The following SV2C variants were observed in gnomAD, a reference collection of about 807,000 sequenced individuals.
SV2C encodes the protein synaptic vesicle glycoprotein 2C, also known as solute carrier family 22 member B3.
Under a neutral mutation model 79.7 loss-of-function variants are expected in SV2C, and 49 were observed. That is an observed-to-expected ratio of 0.61 (90% confidence interval 0.49 to 0.78). SV2C has a LOEUF of 0.78. Ranked by LOEUF, SV2C falls within the 30% of genes least tolerant of loss-of-function variation. The pLI is 0.00. For synonymous variants in SV2C, 334 were observed against 333.2 expected, an observed-to-expected ratio of 1.00 and a Z score of -0.03; for missense variants, 833 against 912.9, an observed-to-expected ratio of 0.91 and a Z score of 1.13.
At chr5:75,971,641 G>A in the SV2C span, among the ~76,000 whole-genome samples, 1 of 152,070 alleles carries the variant, frequency 6.6e-6, no homozygotes, top group Non-Finnish European at 1.5e-5. Context: ...CCTCTTCAAG[G>A]AGAACTACAA....
At chr5:76,008,036 G>A in the SV2C span, among the ~76,000 whole-genome samples, 1 of 152,132 alleles carries the variant, frequency 6.6e-6, no homozygotes, top group East Asian at 1.9e-4. Flanking sequence ...CATTCCGTGA[G>A]GGTGTAGGCA....
the SV2C span, chr5:75,921,363 G>A: frequency 3.1e-6 from 3 of 963,526 alleles, no homozygotes; most frequent in Admixed American, 3.4e-5. Flanking sequence ...CTGTCCTTTG[G>A]GGGGTGCTGG....
chr5:76,185,309 C>A (rs1743879294), intron 2 of SV2C, among the ~76,000 whole-genome samples: 1 of 152,198 alleles, frequency 6.6e-6, no homozygotes. Flanking sequence ...GTTGGCAGAT[C>A]TACCATTCTG....
the SV2C span, among the ~76,000 whole-genome samples, chr5:75,919,058 C>T: frequency 6.6e-6 from 1 of 152,166 alleles, no homozygotes; most frequent in African/African-American, 2.4e-5. Context: ...AAATGGGATT[C>T]CCTCCATCTC....
chr5:76,124,939 A>G (rs73130273), intron 1 of SV2C, among the ~76,000 whole-genome samples: 5,868 of 152,226 alleles, frequency 0.039, 373 homozygotes, highest in African/African-American at 0.13. Flanking sequence ...GCCCACTTTG[A>G]CTCACTTGAG....
At chr5:75,881,220 A>G in the SV2C span, among the ~76,000 whole-genome samples, 2 of 152,098 alleles carry the variant, frequency 1.3e-5, no homozygotes, top group Non-Finnish European at 2.9e-5. Flanking sequence ...AAATACCCAA[A>G]CCATATCACC....
chr5:75,887,454 G>A, the SV2C span, among the ~76,000 whole-genome samples: 45 of 151,702 alleles, frequency 3.0e-4, no homozygotes, highest in African/African-American at 1.0e-3. Context: ...AGATCTTGTA[G>A]TATTTGTCTT....
At chr5:76,338,689 ACT>A (rs1401091007), downstream of SV2C, among the ~76,000 whole-genome samples, 3 of 134,342 alleles carry the variant, frequency 2.2e-5, no homozygotes, top group Non-Finnish European at 4.7e-5. Context: ...ACAGATTCTC[ACT>A]CTGTCACCCA....
At chr5:75,968,465 G>A in the SV2C span, among the ~76,000 whole-genome samples, 1 of 152,172 alleles carries the variant, frequency 6.6e-6, no homozygotes, top group Non-Finnish European at 1.5e-5. Flanking sequence ...AAAAACCAAT[G>A]CAGAGAAGTC....
chr5:75,904,558 C>T, the SV2C span, among the ~76,000 whole-genome samples: 64 of 152,258 alleles, frequency 4.2e-4, no homozygotes, highest in Admixed American at 2.7e-3. Flanking sequence ...ACAAATTTAT[C>T]TGTCCATGTG....
chr5:76,034,758 C>T, the SV2C span, among the ~76,000 whole-genome samples: 1 of 152,180 alleles, frequency 6.6e-6, no homozygotes, highest in Non-Finnish European at 1.5e-5. Flanking sequence ...ATGATGCTGG[C>T]CTCATCAAAT....
chr5:75,906,725 A>G, the SV2C span, among the ~76,000 whole-genome samples: 1 of 152,148 alleles, frequency 6.6e-6, no homozygotes, highest in African/African-American at 2.4e-5. Context: ...GCTTCCTTCC[A>G]GGGAGCCACA....
chr5:76,142,718 A>G (rs888680308), intron 2 of SV2C, among the ~76,000 whole-genome samples: 1 of 152,218 alleles, frequency 6.6e-6, no homozygotes, highest in Admixed American at 6.5e-5. Flanking sequence ...ACTAAAGAGT[A>G]TATGATATTT....
the SV2C span, among the ~76,000 whole-genome samples, chr5:76,017,736 G>C: frequency 3.3e-5 from 5 of 152,112 alleles, no homozygotes; most frequent in African/African-American, 1.2e-4. Context: ...TGTTGGGGTG[G>C]ATAAGAGGAT....
At chr5:76,314,807 T>G (rs1239252817) in intron 12 of SV2C, among the ~76,000 whole-genome samples, 1 of 152,142 alleles carries the variant, frequency 6.6e-6, no homozygotes, top group Non-Finnish European at 1.5e-5. Context: ...TGGGAATCTA[T>G]TTTTAAACAG....
At chr5:75,978,101 A>C in the SV2C span, among the ~76,000 whole-genome samples, 1 of 152,060 alleles carries the variant, frequency 6.6e-6, no homozygotes, top group Non-Finnish European at 1.5e-5. Context: ...CTTCACCAAA[A>C]TTGCTCTTGC....
At chr5:76,225,005 G>T (rs1268172708) in intron 4 of SV2C, among the ~76,000 whole-genome samples, 1 of 152,192 alleles carries the variant, frequency 6.6e-6, no homozygotes, top group Non-Finnish European at 1.5e-5. Flanking sequence ...GGTCTCAAGA[G>T]AATCCAAGGG....
At chr5:76,218,584 A>G (rs1744971851) in intron 4 of SV2C, among the ~76,000 whole-genome samples, 1 of 152,188 alleles carries the variant, frequency 6.6e-6, no homozygotes, top group Non-Finnish European at 1.5e-5. Flanking sequence ...GGAGGGGAAC[A>G]TCATACACCA....
chr5:76,231,920 CA>C (rs1448865659), intron 4 of SV2C, among the ~76,000 whole-genome samples: 1 of 144,232 alleles, frequency 6.9e-6, no homozygotes, highest in East Asian at 1.9e-4. Context: ...GTCTTTATAG[CA>C]GCATGATTTA....
Sources: gnomAD v4.1 joint callset for allele counts (sites outside exome capture counted in the v4.1 genomes callset) on GRCh38, gnomAD v4.1.1 for gene constraint, MANE v1.5 for transcripts, NCBI Gene and HGNC (gene_info 2026-07-23, HGNC 2026-07-21) for gene names.